The following DRC8 variants were observed in gnomAD, a reference collection of about 807,000 sequenced individuals.
DRC8 encodes dynein regulatory complex protein 8.
chr1:245,118,815 GAAAAGAAAAGA>G, the DRC8 span, among the ~76,000 whole-genome samples: 1 of 151,130 alleles, frequency 6.6e-6, no homozygotes, highest in African/African-American at 2.4e-5. Flanking sequence ...GAAAAGAAAA[GAAAAGAAAAGA>G]AAAGAAAAGA....
the DRC8 span, among the ~76,000 whole-genome samples, chr1:245,034,860 G>T: frequency 7.3e-6 from 1 of 136,318 alleles, no homozygotes; most frequent in Admixed American, 7.4e-5. Context: ...ATAAATGAAA[G>T]TTTTTTTTTT....
At chr1:245,092,566 G>A in the DRC8 span, among the ~76,000 whole-genome samples, 6 of 152,290 alleles carry the variant, frequency 3.9e-5, no homozygotes, top group African/African-American at 1.4e-4. Context: ...ATCTGCTTCA[G>A]GAGCATCTGG....
chr1:244,971,574 AGTAAAG>A, the DRC8 span, among the ~76,000 whole-genome samples: 8 of 152,276 alleles, frequency 5.3e-5, no homozygotes, highest in Admixed American at 5.2e-4. Flanking sequence ...GCCATGAAAC[AGTAAAG>A]GTAAACAAGT....
chr1:245,097,791 A>G, the DRC8 span, among the ~76,000 whole-genome samples: 782 of 152,236 alleles, frequency 5.1e-3, 5 homozygotes, highest in African/African-American at 0.018. This position sits in a 1 kb window ranked among gnomAD's most constrained non-coding sequence, Gnocchi z 5.0. Context: ...ATGAAGGGGC[A>G]TGGGGAAAGG....
At chr1:244,985,688 A>AC in the DRC8 span, among the ~76,000 whole-genome samples, 1 of 151,594 alleles carries the variant, frequency 6.6e-6, no homozygotes, top group Non-Finnish European at 1.5e-5. Context: ...ATGTGGTGAA[A>AC]CCCCCGTCTC....
the DRC8 span, chr1:245,123,680 C>A: frequency 6.6e-6 from 1 of 152,480 alleles, no homozygotes; most frequent in African/African-American, 2.4e-5. The surrounding 1 kb of genome is among the most constrained non-coding windows in gnomAD (Gnocchi z 5.0). Flanking sequence ...CAGATCAGAA[C>A]CTGGGCTGCG....
the DRC8 span, among the ~76,000 whole-genome samples, chr1:245,020,032 CAG>C: frequency 6.6e-6 from 1 of 151,264 alleles, no homozygotes; most frequent in Non-Finnish European, 1.5e-5. Context: ...GGGGGCAGGA[CAG>C]AGAGAGCTGT....
chr1:244,991,575 T>G, the DRC8 span, among the ~76,000 whole-genome samples: 427 of 152,342 alleles, frequency 2.8e-3, 1 homozygote, highest in South Asian at 0.012. Context: ...ACTTGTTTAC[T>G]ATGGTCCAGC....
At chr1:245,020,215 G>A in the DRC8 span, among the ~76,000 whole-genome samples, 1 of 152,142 alleles carries the variant, frequency 6.6e-6, no homozygotes, top group Non-Finnish European at 1.5e-5. Flanking sequence ...TCTCTGCTTT[G>A]CACAAATTGA....
At chr1:245,016,300 C>T in the DRC8 span, among the ~76,000 whole-genome samples, 1 of 152,058 alleles carries the variant, frequency 6.6e-6, no homozygotes, top group Non-Finnish European at 1.5e-5. Flanking sequence ...TTACAATCAC[C>T]CTCAAACTCA....
At chr1:245,015,334 G>A in the DRC8 span, among the ~76,000 whole-genome samples, 1 of 152,130 alleles carries the variant, frequency 6.6e-6, no homozygotes, top group East Asian at 1.9e-4. Flanking sequence ...CAAACACCTT[G>A]GAGTTGGCCT....
chr1:245,034,963 A>G, the DRC8 span, among the ~76,000 whole-genome samples: 1 of 152,040 alleles, frequency 6.6e-6, no homozygotes, highest in Non-Finnish European at 1.5e-5. Context: ...CAGAATGATT[A>G]AAACATAGGA....
the DRC8 span, among the ~76,000 whole-genome samples, chr1:245,120,138 AG>A: frequency 6.6e-6 from 1 of 152,210 alleles, no homozygotes; most frequent in Non-Finnish European, 1.5e-5. Context: ...AAAATTCAAA[AG>A]GTATGAAGGC....
the DRC8 span, among the ~76,000 whole-genome samples, chr1:244,992,740 A>T: frequency 6.6e-6 from 1 of 152,182 alleles, no homozygotes; most frequent in Admixed American, 6.5e-5. Context: ...ACTGTGTCTC[A>T]AAAAAAGCCC....
the DRC8 span, among the ~76,000 whole-genome samples, chr1:244,972,181 G>A: frequency 6.6e-6 from 1 of 152,046 alleles, no homozygotes; most frequent in Non-Finnish European, 1.5e-5. Flanking sequence ...CAATTTTGTC[G>A]ATAACTCATA....
the DRC8 span, among the ~76,000 whole-genome samples, chr1:245,035,672 G>GT: frequency 0.28 from 43,015 of 151,884 alleles, 6,303 homozygotes; most frequent in Middle Eastern, 0.34. Flanking sequence ...TTCAAGACCA[G>GT]CCTGGCCAAC....
At chr1:245,057,201 G>A in the DRC8 span, among the ~76,000 whole-genome samples, 3 of 152,158 alleles carry the variant, frequency 2.0e-5, no homozygotes, top group African/African-American at 7.2e-5. Context: ...CGGTTAGGTT[G>A]CAGTTCACTA....
At chr1:245,107,165 T>G in the DRC8 span, 1 of 152,434 alleles carries the variant, frequency 6.6e-6, no homozygotes, top group Non-Finnish European at 1.5e-5. Context: ...CCTGATGATG[T>G]CACCCACATA....
At chr1:245,014,975 G>A in the DRC8 span, among the ~76,000 whole-genome samples, 1 of 152,138 alleles carries the variant, frequency 6.6e-6, no homozygotes, top group Non-Finnish European at 1.5e-5. Flanking sequence ...ATGTTAGGGG[G>A]AAGAGAATTT....
Sources: allele counts gnomAD v4.1 joint callset (sites outside exome capture counted in the v4.1 genomes callset), GRCh38; gene constraint gnomAD v4.1.1; non-coding constraint Gnocchi (gnomAD v3.1); transcripts MANE v1.5; gene names NCBI Gene and HGNC (gene_info 2026-07-23, HGNC 2026-07-21).